The following CCDC178 variants were observed in gnomAD, a reference collection of about 807,000 sequenced individuals.
The protein encoded by CCDC178 is coiled-coil domain containing 178.
A neutral mutation model predicts 117.4 loss-of-function variants in CCDC178; 126 were observed. That is an observed-to-expected ratio of 1.07 (90% CI 0.93 to 1.24). CCDC178 has a LOEUF of 1.24. CCDC178 is among the 50% of genes most tolerant of loss of function. The pLI is 0.00. For synonymous variants in CCDC178, 283 were observed against 313.4 expected (o/e 0.90, Z 1.02); for missense variants, 1,030 against 986.9 (o/e 1.04, Z -0.59).
intron 18 of CCDC178, among the ~76,000 whole-genome samples, chr18:33,216,493 T>C (rs2059166895): frequency 6.6e-6 from 1 of 152,032 alleles, no homozygotes; most frequent in Admixed American, 6.6e-5. Flanking sequence ...ATTGAATTGT[T>C]CCCCACATTC....
chr18:33,293,077 AT>A (rs1356131294), intron 12 of CCDC178, 81 bp downstream of exon 12: 1 of 964,818 alleles, frequency 1.0e-6, no homozygotes, highest in Non-Finnish European at 1.5e-6. Flanking sequence ...GCCAATTGCT[AT>A]TTAATTATTG....
chr18:33,058,045 T>G (rs1406494709), intron 21 of CCDC178, among the ~76,000 whole-genome samples: 1 of 152,014 alleles, frequency 6.6e-6, no homozygotes, highest in East Asian at 1.9e-4. Flanking sequence ...ACTACATTGC[T>G]GATGGGATTG....
intron 21 of CCDC178, among the ~76,000 whole-genome samples, chr18:33,073,612 G>T (rs1192901166): frequency 6.6e-6 from 1 of 151,850 alleles, no homozygotes; most frequent in East Asian, 1.9e-4. Context: ...ATGTAGGAAT[G>T]CTGTCTCAGT....
chr18:33,147,531 T>C (rs995938227), intron 20 of CCDC178, among the ~76,000 whole-genome samples: 1 of 151,702 alleles, frequency 6.6e-6, no homozygotes, highest in Non-Finnish European at 1.5e-5. Context: ...CCACAGTGTT[T>C]GTGTCCCTGG....
chr18:33,225,543 TA>T (rs1449028387), intron 16 of CCDC178, among the ~76,000 whole-genome samples: 2 of 152,088 alleles, frequency 1.3e-5, no homozygotes, highest in Non-Finnish European at 2.9e-5. Context: ...ATCAAACATT[TA>T]AAAAAATATT....
chr18:33,150,615 T>C (rs377351594), intron 20 of CCDC178, among the ~76,000 whole-genome samples: 8 of 151,992 alleles, frequency 5.3e-5, no homozygotes, highest in East Asian at 3.9e-4. Context: ...AACAAACATA[T>C]GAAAAAATGT....
chr18:33,223,541 T>C (rs991320029), intron 17 of CCDC178, among the ~76,000 whole-genome samples: 1 of 152,134 alleles, frequency 6.6e-6, no homozygotes, highest in East Asian at 1.9e-4. Context: ...TAGTAAGCAA[T>C]CACTACCAAA....
intron 5 of CCDC178, among the ~76,000 whole-genome samples, chr18:33,381,112 T>G (rs2063434321): frequency 6.6e-6 from 1 of 152,240 alleles, no homozygotes; most frequent in Non-Finnish European, 1.5e-5. Context: ...TAAGTACTAG[T>G]CAGTCACCAA....
chr18:33,120,993 GC>G (rs886920910), intron 20 of CCDC178, among the ~76,000 whole-genome samples: 28 of 152,052 alleles, frequency 1.8e-4, no homozygotes, highest in African/African-American at 6.5e-4. Flanking sequence ...AATTTTAAAA[GC>G]CATATATGAG....
chr18:33,246,522 T>C (rs935438512), intron 14 of CCDC178, among the ~76,000 whole-genome samples: 2 of 151,694 alleles, frequency 1.3e-5, no homozygotes, highest in African/African-American at 4.8e-5. Flanking sequence ...TTTTCACCTA[T>C]TCCAAAATAG....
At chr18:33,214,028 A>C (rs1019024732) in intron 19 of CCDC178, among the ~76,000 whole-genome samples, 2 of 152,020 alleles carry the variant, frequency 1.3e-5, no homozygotes, top group Non-Finnish European at 2.9e-5. Context: ...TTCATAAAAC[A>C]GCTGATCTTC....
intron 20 of CCDC178, among the ~76,000 whole-genome samples, chr18:33,109,677 T>C (rs1177455552): frequency 6.6e-6 from 1 of 151,420 alleles, no homozygotes; most frequent in Non-Finnish European, 1.5e-5. Flanking sequence ...AACACACAGG[T>C]TTTGGCTGTT....
At chr18:33,181,970 C>T (rs1055850060) in intron 20 of CCDC178, among the ~76,000 whole-genome samples, 1 of 151,650 alleles carries the variant, frequency 6.6e-6, no homozygotes, top group Non-Finnish European at 1.5e-5. Context: ...AATTACAGCA[C>T]CTTATACCAC....
At chr18:33,378,408 CT>C (rs2063392284) in intron 5 of CCDC178, among the ~76,000 whole-genome samples, 1 of 152,108 alleles carries the variant, frequency 6.6e-6, no homozygotes, top group South Asian at 2.1e-4. Context: ...TTTTTGACAT[CT>C]TCCTGTTTGG....
chr18:33,066,106 C>T (rs2057011272), intron 21 of CCDC178, among the ~76,000 whole-genome samples: 1 of 152,010 alleles, frequency 6.6e-6, no homozygotes, highest in Non-Finnish European at 1.5e-5. Flanking sequence ...CGTGATCCAC[C>T]CGCCTCGGCC....
At chr18:33,182,750 T>C (rs532298357) in intron 20 of CCDC178, among the ~76,000 whole-genome samples, 4 of 151,994 alleles carry the variant, frequency 2.6e-5, no homozygotes, top group Non-Finnish European at 5.9e-5. Context: ...TCTAAAATCA[T>C]TTAACATTAT....
chr18:33,046,735 T>C (rs1567954282), intron 21 of CCDC178, among the ~76,000 whole-genome samples: 1 of 152,136 alleles, frequency 6.6e-6, no homozygotes, highest in Non-Finnish European at 1.5e-5. Context: ...CCAGCCTCCT[T>C]GAGTGACATC....
intron 14 of CCDC178, among the ~76,000 whole-genome samples, chr18:33,251,540 C>T (rs1271411426): frequency 6.6e-6 from 1 of 151,680 alleles, no homozygotes; most frequent in Admixed American, 6.6e-5. Context: ...ACATGAGGGC[C>T]TCTAATTGGC....
chr18:33,233,201 T>C (rs988409374), intron 15 of CCDC178, among the ~76,000 whole-genome samples: 4 of 152,130 alleles, frequency 2.6e-5, no homozygotes, highest in Non-Finnish European at 5.9e-5. Context: ...AAAGTTGTAT[T>C]TTTAGAAATA....
Sources: gnomAD v4.1 joint callset for allele counts (sites outside exome capture counted in the v4.1 genomes callset) on GRCh38, gnomAD v4.1.1 for gene constraint, MANE v1.5 for transcripts, NCBI Gene and HGNC (gene_info 2026-07-23, HGNC 2026-07-21) for gene names.